Variants in GRM1 observed in about 807,000 individuals in gnomAD.
GRM1 encodes glutamate metabotropic receptor 1.
A neutral mutation model predicts 90.9 loss-of-function variants in GRM1; 33 were observed. That is an observed-to-expected ratio of 0.36 (90% confidence interval 0.28 to 0.49). The LOEUF is 0.49. Ranked by LOEUF, GRM1 falls within the 20% of genes least tolerant of loss-of-function variation. The pLI is 0.99. For missense variants in GRM1, 1,190 were observed against 1,534.3 expected (o/e 0.78, Z 3.75); for synonymous variants, 700 against 613.2 (o/e 1.14, Z -2.09).
At chr6:146,054,799 A>G (rs1212105611) in intron 1 of GRM1, among the ~76,000 whole-genome samples, 2 of 152,128 alleles carry the variant, frequency 1.3e-5, no homozygotes, top group Non-Finnish European at 2.9e-5. Context: ...ACAGAACAAC[A>G]TATGTGTGTA....
chr6:146,413,385 T>G (rs2114633029), intron 7 of GRM1, among the ~76,000 whole-genome samples: 1 of 152,266 alleles, frequency 6.6e-6, no homozygotes, highest in Admixed American at 6.5e-5. Context: ...TTCTTAGAAA[T>G]GTAATGCTCT....
chr6:146,163,051 A>C (rs1338599090), intron 2 of GRM1, among the ~76,000 whole-genome samples: 2 of 152,154 alleles, frequency 1.3e-5, no homozygotes, highest in East Asian at 3.9e-4. Context: ...GACTTATCTA[A>C]TATTATTCAT....
chr6:146,349,073 A>ATTATTATTATTATTATTG lies in GRM1; in HGVS notation c.1187-3166_1187-3165insATTATTGTTATTATTATT, dbSNP rs796562880. On this transcript the variant is annotated intron_variant, in intron 3 of 7. Transcript: ENST00000282753. ...TATTATTATTATTATTATTATTATTATTATTATTATTGAGACGGAGTCTCG... is the reference window on the plus strand; with the variant it reads ...TATTATTATTATTATTATTATTATTATTATTATTATTATTATTGTTATTATTATTGAGACGGAGTCTCG... Among the ~76,000 whole-genome samples, 23 of 147,662 alleles carry ATTATTATTATTATTATTG rather than the reference A, an allele frequency of 1.6e-4. No individual in the cohort carries two copies. In the East Asian group the frequency reaches 2.8e-3, roughly 18 times the overall value.
chr6:146,238,949 G>A (rs767958475), intron 2 of GRM1, among the ~76,000 whole-genome samples: 20 of 152,066 alleles, frequency 1.3e-4, no homozygotes, highest in East Asian at 1.9e-4. Flanking sequence ...TTCAGTTCAC[G>A]TGAGTATAGG....
chr6:146,265,947 T>C (rs755892623), intron 2 of GRM1, among the ~76,000 whole-genome samples: 46 of 152,210 alleles, frequency 3.0e-4, no homozygotes, highest in Non-Finnish European at 5.6e-4. Context: ...TCCCAGCACT[T>C]TGGGAGGCCG....
At chr6:146,433,304 A>G (rs1012677214) in intron 7 of GRM1, among the ~76,000 whole-genome samples, 1 of 152,158 alleles carries the variant, frequency 6.6e-6, no homozygotes, top group Non-Finnish European at 1.5e-5. Context: ...TATGTTCCTT[A>G]TAGGTACCCT....
intron 7 of GRM1, among the ~76,000 whole-genome samples, chr6:146,425,769 G>T (rs1778180433): frequency 6.6e-6 from 1 of 152,212 alleles, no homozygotes; most frequent in Non-Finnish European, 1.5e-5. Flanking sequence ...ATGACAGCCA[G>T]ACAGCTTTAT....
intron 1 of GRM1, among the ~76,000 whole-genome samples, chr6:146,052,329 A>G (rs1014776231): frequency 2.6e-5 from 4 of 151,982 alleles, no homozygotes; most frequent in Admixed American, 2.6e-4. Context: ...ATTTTTGTTT[A>G]GGGCACTGGT....
chr6:146,377,259 G>T (rs903926777), intron 5 of GRM1, among the ~76,000 whole-genome samples: 5 of 152,154 alleles, frequency 3.3e-5, no homozygotes, highest in African/African-American at 1.2e-4. Context: ...GATTGGAACA[G>T]TTTGGAGGGC....
At chr6:146,378,547 CTTTTG>C (rs1776197753) in intron 5 of GRM1, among the ~76,000 whole-genome samples, 1 of 152,166 alleles carries the variant, frequency 6.6e-6, no homozygotes. Context: ...GCCTGTAGCC[CTTTTG>C]TTTTGGCCAA....
At position 146,043,796 on chromosome 6, in the gene GRM1, T is replaced by TATATATATATAG. The variant is rs1554260531; in HGVS notation, c.700+13590_700+13591insGATATATATATA. Among the ~76,000 whole-genome samples the TATATATATATAG allele has an allele frequency of 4.7e-3, 651 of 137,924 alleles. 14 individuals carry two copies. Among genetic ancestry groups the TATATATATATAG allele is most frequent in the African/African-American group, 0.014 (529 of 38,336 alleles). 90.5% of individuals were successfully genotyped at this position (137,924 alleles called of 152,430 possible). ...AAGAGTCAGGTGATATATATATATA[T>TATATATATATAG]ATATATATATATATAAAGGGAAGTG... On this transcript the variant is annotated intron_variant, in intron 1 of 7. Coordinates refer to ENST00000282753, the MANE Select transcript of GRM1 (RefSeq NM_001278064.2).
intron 1 of GRM1, among the ~76,000 whole-genome samples, chr6:146,145,570 A>G (rs918954114): frequency 5.9e-5 from 9 of 152,206 alleles, no homozygotes; most frequent in African/African-American, 2.2e-4. Flanking sequence ...TGGCGTCCAC[A>G]TGGTGCTAAT....
intron 7 of GRM1, 82 bp from the exon 8 acceptor site, chr6:146,433,790 T>G: frequency 1.0e-6 from 1 of 986,308 alleles, no homozygotes; most frequent in Non-Finnish European, 1.6e-6. Context: ...CACACTGAGC[T>G]AGGTTTGCAT....
chr6:146,276,530 A>G (rs1430500025), intron 2 of GRM1, among the ~76,000 whole-genome samples: 1 of 152,128 alleles, frequency 6.6e-6, no homozygotes, highest in Non-Finnish European at 1.5e-5. Context: ...TAGTGCATGA[A>G]TGGTTTTATT....
chr6:146,160,349 C>T (rs532497650), intron 2 of GRM1, among the ~76,000 whole-genome samples: 3 of 152,228 alleles, frequency 2.0e-5, no homozygotes, highest in African/African-American at 4.8e-5. Context: ...TTCTAAATCA[C>T]GTGTACTTGT....
intron 1 of GRM1, among the ~76,000 whole-genome samples, chr6:146,051,669 A>T (rs1775296867): frequency 6.6e-6 from 1 of 152,104 alleles, no homozygotes; most frequent in Non-Finnish European, 1.5e-5. Flanking sequence ...TAGTGCCTGC[A>T]GCGGGGAGCC....
rs578089091 is a variant in GRM1 at position 146,399,254 on chromosome 6, A to G, written c.2215A>G (p.Ile739Val). The change falls in exon 7 of 8, where the codon ATC becomes GTC. Residue 739 changes from isoleucine (I) to valine (V), a missense_variant. Physicochemically the swap from Ile to Val is conservative, Grantham distance 29 (BLOSUM62 3). Coordinates refer to ENST00000282753, the MANE Select transcript of GRM1 (RefSeq NM_001278064.2). The surrounding 1 kb of genome is among the most constrained non-coding windows in gnomAD (Gnocchi z 5.4). ...TATGCCCATTCTGTCCTACCCAAGT[A>G]TCAAGGAAGTCTACCTTATCTGCAA... ...PPMPILSYPS[I>V]KEVYLICNTS... 63 of 1,614,052 alleles carry G rather than the reference A, an allele frequency of 3.9e-5. No individual in the cohort carries two copies. The South Asian group carries it at 6.6e-4, about 17-fold the overall frequency.
chr6:146,218,314 C>G (rs765706566), intron 2 of GRM1, among the ~76,000 whole-genome samples: 1 of 152,048 alleles, frequency 6.6e-6, no homozygotes, highest in Non-Finnish European at 1.5e-5. Context: ...TTTCAATGCC[C>G]TATATAAATT....
intron 1 of GRM1, among the ~76,000 whole-genome samples, chr6:146,100,560 G>A (rs1777016664): frequency 6.6e-6 from 1 of 152,174 alleles, no homozygotes; most frequent in African/African-American, 2.4e-5. Context: ...GTCCTTGTGT[G>A]TGTGAAGTTG....
Sources: allele counts gnomAD v4.1 joint callset (sites outside exome capture counted in the v4.1 genomes callset), GRCh38; gene constraint gnomAD v4.1.1; non-coding constraint Gnocchi (gnomAD v3.1); transcripts MANE v1.5; gene names NCBI Gene and HGNC (gene_info 2026-07-23, HGNC 2026-07-21).